CCDC68: variants seen among roughly 807,000 people sequenced by gnomAD.
The protein encoded by CCDC68 is coiled-coil domain-containing protein 68.
A neutral mutation model predicts 47.1 loss-of-function variants in CCDC68; 45 were observed. That is an observed-to-expected ratio of 0.96 (90% confidence interval 0.75 to 1.23). CCDC68 has a LOEUF of 1.23. Among genes scored for constraint, CCDC68 ranks in the 50% most tolerant of loss-of-function variants. The probability of loss-of-function intolerance (pLI) is 0.00; values close to 1 mark genes in which losing one functional copy is unlikely to be tolerated. For synonymous variants in CCDC68, 131 were observed against 129.5 expected, an observed-to-expected ratio of 1.01 and a Z score of -0.08; for missense variants, 353 against 373.6, an observed-to-expected ratio of 0.94 and a Z score of 0.45.
chr18:54,950,869 C>A (rs988224154), intron 1 of CCDC68, among the ~76,000 whole-genome samples: 1 of 133,380 alleles, frequency 7.5e-6, no homozygotes, highest in South Asian at 2.7e-4. Context: ...CAACTGAACA[C>A]AATTAGGTTG....
At chr18:54,957,365 A>C (rs2044729697) in intron 1 of CCDC68, among the ~76,000 whole-genome samples, 1 of 152,174 alleles carries the variant, frequency 6.6e-6, no homozygotes, top group African/African-American at 2.4e-5. Context: ...AATTGAATGG[A>C]TCATTTATGT....
chr18:54,950,874 A>C (rs1218547131), intron 1 of CCDC68, among the ~76,000 whole-genome samples: 1 of 134,186 alleles, frequency 7.5e-6, no homozygotes, highest in East Asian at 2.3e-4. Context: ...GAACACAATT[A>C]GGTTGACCCC....
At chr18:54,921,159 G>A (rs141025808) in intron 8 of CCDC68, among the ~76,000 whole-genome samples, 9 of 152,178 alleles carry the variant, frequency 5.9e-5, no homozygotes, top group Non-Finnish European at 1.3e-4. Flanking sequence ...AAACACAAAC[G>A]TAAAGAAGGA....
At chr18:54,919,457 T>C (rs1305796729) in intron 8 of CCDC68, 81 bp from the exon 9 acceptor site, 6 of 1,151,196 alleles carry the variant, frequency 5.2e-6, no homozygotes, top group African/African-American at 4.6e-5. Context: ...CTAGCCCTCC[T>C]ACACACTCTA....
intron 5 of CCDC68, 142 bp from the exon 6 acceptor site, chr18:54,937,100 C>T (rs1169203568): frequency 2.1e-5 from 15 of 728,830 alleles, no homozygotes; most frequent in Non-Finnish European, 3.1e-5. Flanking sequence ...AGAGAAGACA[C>T]TGTTATTTGG....
Position 54,907,794 on chromosome 18 carries a change from GAC to G in CCDC68, c.940_941del (p.Val314LeufsTer4). ...ETPRTKVSKA[V>X]STSELKTEGV... The stretch of plus-strand genomic sequence containing the variant: ...GAGGACAGAGACCTTACCTTGTAGA[GAC>G]AGCCTTAGATACCTTTGTCCTAGGA... On this transcript the variant is annotated frameshift_variant, in exon 11 of 12. Transcript: ENST00000591504. LOFTEE classifies it high-confidence loss of function. The G allele has an allele frequency of 1.3e-6, 2 of 1,587,286 alleles. No homozygotes were observed. Among genetic ancestry groups the G allele is most frequent in the Non-Finnish European group, 1.7e-6 (2 of 1,155,590 alleles).
chr18:54,919,492 A>G (rs2044016440), intron 8 of CCDC68, 116 bp from the exon 9 acceptor site: 2 of 844,114 alleles, frequency 2.4e-6, no homozygotes, highest in Admixed American at 2.0e-5. Context: ...CAGTTGGGTA[A>G]GACCCCGGGG....
At chr18:54,909,851 C>T (rs945572256) in intron 10 of CCDC68, among the ~76,000 whole-genome samples, 3 of 152,242 alleles carry the variant, frequency 2.0e-5, no homozygotes, top group Non-Finnish European at 4.4e-5. Context: ...GAGTCACAGC[C>T]CTGGCTCAGG....
intron 8 of CCDC68, among the ~76,000 whole-genome samples, chr18:54,925,153 G>A (rs1318045941): frequency 6.6e-6 from 1 of 152,134 alleles, no homozygotes; most frequent in Admixed American, 6.6e-5. Flanking sequence ...GTTTGGGTTG[G>A]CTGCTGGAAA....
rs2044363086 is a variant in CCDC68 at position 54,937,106 on chromosome 18, T to C, written c.346-148A>G. 4.2e-6 allele frequency: 3 copies of C among 707,462 alleles called. No homozygotes were observed. The South Asian group carries it at 5.8e-5, about 14-fold the overall frequency. The allele number at this position is 707,462 out of a possible 1,614,324, so 43.8% of individuals were successfully genotyped here. A position where few individuals can be genotyped will look rare whatever the true frequency, so the allele number is the denominator to read the frequency against. ...ATGGATACGAGAGAAGACACTGTTATTTGGTAAGAGGAAAATGTAAAATGA... is the reference window on the plus strand; with the variant it reads ...ATGGATACGAGAGAAGACACTGTTACTTGGTAAGAGGAAAATGTAAAATGA... On this transcript the variant is annotated intron_variant, in intron 5 of 11. Transcript: ENST00000591504.
intron 10 of CCDC68, 36 bp downstream of exon 10, chr18:54,917,877 C>A (rs774825426): frequency 5.1e-6 from 6 of 1,168,150 alleles, no homozygotes; most frequent in East Asian, 2.4e-5. Flanking sequence ...ACACTCACAC[C>A]CTCACAACAA....
At chr18:54,912,436 A>AT (rs1038774946) in intron 10 of CCDC68, among the ~76,000 whole-genome samples, 1 of 151,458 alleles carries the variant, frequency 6.6e-6, no homozygotes, top group African/African-American at 2.4e-5. Flanking sequence ...AGAGGAAAAA[A>AT]ACTGCTAGGA....
chr18:54,922,921 G>A (rs1395448903), intron 8 of CCDC68, among the ~76,000 whole-genome samples: 1 of 150,252 alleles, frequency 6.7e-6, no homozygotes, highest in Non-Finnish European at 1.5e-5. Flanking sequence ...CCAGGAGGTG[G>A]AGGTTGCAGT....
At chr18:54,904,717 T>G (rs1055649735) in intron 11 of CCDC68, among the ~76,000 whole-genome samples, 2 of 152,126 alleles carry the variant, frequency 1.3e-5, no homozygotes, top group African/African-American at 2.4e-5. Flanking sequence ...GTGAAGACAT[T>G]CCCCAGAGTG....
chr18:54,922,892 G>A (rs962908993), intron 8 of CCDC68, among the ~76,000 whole-genome samples: 2 of 149,614 alleles, frequency 1.3e-5, no homozygotes, highest in Admixed American at 6.7e-5. Context: ...GGAGACTGAG[G>A]TACAAGAATC....
At chr18:54,949,416 G>T (rs1300824163) in intron 1 of CCDC68, among the ~76,000 whole-genome samples, 5 of 152,122 alleles carry the variant, frequency 3.3e-5, no homozygotes, top group Non-Finnish European at 5.9e-5. Flanking sequence ...TTTGCCTAAG[G>T]AGTTGTCTCC....
chr18:54,937,690 C>T, intron 5 of CCDC68: 1 of 295,592 alleles, frequency 3.4e-6, no homozygotes, highest in South Asian at 4.8e-5. Flanking sequence ...CAGTAGATTT[C>T]TAGAACTTAT....
At chr18:54,936,174 AAT>A (rs1408153310) in intron 6 of CCDC68, among the ~76,000 whole-genome samples, 9 of 145,376 alleles carry the variant, frequency 6.2e-5, no homozygotes, top group Admixed American at 2.8e-4. Flanking sequence ...TAGATATTAT[AAT>A]TATATAGATA....
intron 5 of CCDC68, chr18:54,937,641 G>A (rs375729162): frequency 5.5e-6 from 1 of 180,302 alleles, no homozygotes; most frequent in Admixed American, 6.0e-5. Flanking sequence ...TGTACTAAGT[G>A]TACAGTACAG....
Sources: gnomAD v4.1 joint callset for allele counts (sites outside exome capture counted in the v4.1 genomes callset) on GRCh38, gnomAD v4.1.1 for gene constraint, MANE v1.5 for transcripts, NCBI Gene and HGNC (gene_info 2026-07-23, HGNC 2026-07-21) for gene names.